FGF17: variants seen among roughly 807,000 people sequenced by gnomAD.
FGF17 encodes the protein fibroblast growth factor 17.
FGF17 carries 5 observed loss-of-function variants against 23.5 expected under a neutral mutation model. The ratio of observed to expected loss-of-function variants is 0.21; its 90% CI spans 0.11 to 0.45. The LOEUF is 0.45. Among genes scored for constraint, FGF17 ranks in the 20% least tolerant of loss-of-function variants. FGF17 has a pLI of 0.99. For synonymous variants in FGF17, 136 were observed against 123.0 expected (o/e 1.11, Z -0.70); for missense variants, 221 against 306.9 (o/e 0.72, Z 2.09).
intron 4 of FGF17, among the ~76,000 whole-genome samples, chr8:22,047,235 G>A (rs527565596): frequency 7.9e-5 from 12 of 152,258 alleles, no homozygotes; most frequent in African/African-American, 2.9e-4. Context: ...GCAGCCTCTG[G>A]GTGGAGGACT....
intron 2 of FGF17, chr8:22,045,829 C>T: frequency 7.4e-7 from 1 of 1,347,456 alleles, no homozygotes; most frequent in South Asian, 1.5e-5. Context: ...ACCCTGAGGG[C>T]TCCTTCCAGC....
At chr8:22,046,415 C>A in intron 3 of FGF17, 112 bp from the exon 4 acceptor site, 1 of 1,423,288 alleles carries the variant, frequency 7.0e-7, no homozygotes, top group Non-Finnish European at 9.7e-7. Context: ...GCCTGAGTGT[C>A]CCCAACCCCT....
intron 2 of FGF17, chr8:22,045,597 C>G (rs1468207805): frequency 9.9e-7 from 1 of 1,011,554 alleles, no homozygotes; most frequent in African/African-American, 1.7e-5. Flanking sequence ...GTGACCCTAA[C>G]TCGCAGCACC....
chr8:22,047,335 T>A (rs549758110), intron 4 of FGF17, among the ~76,000 whole-genome samples: 9 of 152,180 alleles, frequency 5.9e-5, no homozygotes, highest in Admixed American at 2.0e-4. Flanking sequence ...GCTAGCAAGA[T>A]AGACACTAAG....
intron 2 of FGF17, chr8:22,045,723 G>A: frequency 3.6e-6 from 4 of 1,124,150 alleles, no homozygotes; most frequent in Non-Finnish European, 4.4e-6. Flanking sequence ...TGGGGGAGAT[G>A]ACAGGCTCTG....
rs900779 is a variant in FGF17, at chr8:22,043,246, A to G, written c.72+65A>G. 0.39 allele frequency: 593,027 copies of G among 1,533,786 alleles called. 117,559 individuals carry two copies. Among genetic ancestry groups the G allele is most frequent in the East Asian group, 0.59 (26,114 of 44,378 alleles). ...ACCCTACCTGACCAGGGCGGGTGCA[A>G]GGGACCGGCTCCTTTCAGGTGGACA... On this transcript the variant is annotated intron_variant, in intron 2 of 4. Coordinates refer to ENST00000359441, the MANE Select transcript of FGF17 (RefSeq NM_003867.4).
upstream of FGF17, among the ~76,000 whole-genome samples, chr8:22,040,962 G>A (rs747801): frequency 0.36 from 55,298 of 152,048 alleles, 10,406 homozygotes; most frequent in East Asian, 0.56. Flanking sequence ...ATCCGCAGGG[G>A]GAAAGCAGAG....
chr8:22,047,818 C>A, intron 4 of FGF17, 138 bp from the exon 5 acceptor site: 1 of 766,552 alleles, frequency 1.3e-6, no homozygotes, highest in Non-Finnish European at 2.1e-6. Context: ...GATGCCATCT[C>A]ACCAGGCAGA....
In FGF17 at chr8:22,043,171, G is replaced by A. The variant is rs751566846; in HGVS notation, c.62G>A (p.Cys21Tyr). 1 of 1,613,784 alleles carries A rather than the reference G, an allele frequency of 6.2e-7. No individual in the cohort carries two copies. The highest frequency in any genetic ancestry group is 8.5e-7 in the Non-Finnish European group (1 of 1,180,026). ...TGCTTACAGCTGCTGATTCTCTGCT[G>A]TCAAACTCAGGTAGGCGGGCATTCC... ...TLCLQLLILC[C>Y]QTQGENHPSP... The change falls in exon 2 of 5, where the codon TGT (cysteine) becomes TAT (tyrosine). Residue 21 changes from cysteine to tyrosine, a missense_variant. Cys to Tyr is a radical substitution (Grantham distance 194). This residue lies in a region of FGF17 where 35 missense variants were observed against 35.5 expected (regional missense o/e 0.99). Transcript: ENST00000359441.
chr8:22,044,176 G>A (rs1051766605), intron 2 of FGF17, among the ~76,000 whole-genome samples: 1 of 152,150 alleles, frequency 6.6e-6, no homozygotes, highest in South Asian at 2.1e-4. Flanking sequence ...TAGCACAATG[G>A]TGCGGCTGGC....
upstream of FGF17, among the ~76,000 whole-genome samples, chr8:22,040,077 C>A (rs1040045178): frequency 6.6e-6 from 1 of 152,102 alleles, no homozygotes; most frequent in African/African-American, 2.4e-5. Context: ...ACCCTTCTTC[C>A]CTCCCCCTTT....
intron 2 of FGF17, among the ~76,000 whole-genome samples, chr8:22,044,158 A>G (rs1800803256): frequency 6.6e-6 from 1 of 151,482 alleles, no homozygotes; most frequent in African/African-American, 2.4e-5. Context: ...CCTGTTCTGG[A>G]GGGGAACTAG....
At chr8:22,046,346 A>C (rs1585537381) in intron 3 of FGF17, 55 bp downstream of exon 3, 1 of 1,570,026 alleles carries the variant, frequency 6.4e-7, no homozygotes, top group Non-Finnish European at 8.7e-7. Flanking sequence ...CCTCACTTCC[A>C]CCCTGCCTCA....
In FGF17 at chr8:22,044,737, T is replaced by C. The variant is rs544979004; in HGVS notation, c.73-1377T>C. 31 of 985,292 alleles carry C rather than the reference T, an allele frequency of 3.1e-5. No individual in the cohort carries two copies. The East Asian group carries it at 1.9e-3, about 62-fold the overall frequency. 61.0% of individuals were successfully genotyped at this position (985,292 alleles called of 1,614,324 possible). On this transcript the variant is annotated intron_variant, in intron 2 of 4. Transcript: ENST00000359441. ...GAGGCTGCTCTATGGGGAGGTGCAA[T>C]TGGAAATGAGCAACGGTGCACAGTA...
At chr8:22,047,658 C>G (rs1435602859) in intron 4 of FGF17, among the ~76,000 whole-genome samples, 1 of 152,206 alleles carries the variant, frequency 6.6e-6, no homozygotes, top group Non-Finnish European at 1.5e-5. Context: ...GCTAAGGGCC[C>G]GTGCATGCTG....
chr8:22,045,893 G>A, intron 2 of FGF17: 9 of 1,450,526 alleles, frequency 6.2e-6, no homozygotes, highest in Non-Finnish European at 8.2e-6. Flanking sequence ...CCCCCAGCCT[G>A]GGCAGACCCC....
intron 2 of FGF17, among the ~76,000 whole-genome samples, chr8:22,044,095 G>T (rs1483146776): frequency 6.6e-6 from 1 of 151,956 alleles, no homozygotes; most frequent in Non-Finnish European, 1.5e-5. Context: ...CATCCAGGGG[G>T]AGCCAGAAGA....
chr8:22,046,536 T>C lies in FGF17; in HGVS notation c.260T>C (p.Ile87Thr). 3 of 1,613,292 alleles carry C rather than the reference T, an allele frequency of 1.9e-6. No homozygotes were observed. The highest frequency in any genetic ancestry group is 1.7e-6 in the Non-Finnish European group (2 of 1,179,544). ...AEDGNKFAKL[I>T]VETDTFGSRV... The stretch of plus-strand genomic sequence containing the variant: ...CCCTCCCCCACCACAGCCAAGCTCA[T>C]AGTGGAGACGGACACGTTTGGCAGC... The change falls in exon 4 of 5, where the codon ATA becomes ACA. Residue 87 changes from isoleucine (I) to threonine (T), a missense_variant. Transcript: ENST00000359441.
intron 2 of FGF17, chr8:22,045,861 G>T: frequency 7.2e-7 from 1 of 1,397,334 alleles, no homozygotes; most frequent in Non-Finnish European, 9.3e-7. Flanking sequence ...TGATTCCAGG[G>T]CTGTGCTCTG....
Sources: allele counts gnomAD v4.1 joint callset (sites outside exome capture counted in the v4.1 genomes callset), GRCh38; gene constraint gnomAD v4.1.1; regional missense constraint gnomAD v4.1.1; transcripts MANE v1.5; gene names NCBI Gene and HGNC (gene_info 2026-07-23, HGNC 2026-07-21).